ARHGAP26: variants seen among roughly 807,000 people sequenced by gnomAD.
ARHGAP26 encodes the protein Rho GTPase activating protein 26.
Under a neutral mutation model 104.8 loss-of-function variants are expected in ARHGAP26, and 38 were observed. The ratio of observed to expected loss-of-function variants is 0.36; its 90% CI spans 0.28 to 0.48. ARHGAP26 has a LOEUF of 0.48. Among genes scored for constraint, ARHGAP26 ranks in the 20% least tolerant of loss-of-function variants. The pLI is 0.99. For missense variants in ARHGAP26, 704 were observed against 947.9 expected, an observed-to-expected ratio of 0.74 and a Z score of 3.38; for synonymous variants, 341 against 340.0, an observed-to-expected ratio of 1.00 and a Z score of -0.03.
At chr5:143,128,743 C>T (rs1796993002) in intron 18 of ARHGAP26, among the ~76,000 whole-genome samples, 1 of 152,172 alleles carries the variant, frequency 6.6e-6, no homozygotes, top group African/African-American at 2.4e-5. Context: ...ACCAATCCCA[C>T]ATTACTAGGG....
intron 14 of ARHGAP26, among the ~76,000 whole-genome samples, chr5:143,053,795 G>A (rs1259309234): frequency 1.3e-5 from 2 of 152,112 alleles, no homozygotes; most frequent in Non-Finnish European, 2.9e-5. Context: ...CTAATTTAGA[G>A]TATTTCCTTT....
chr5:143,034,107 G>A (rs924062656), intron 12 of ARHGAP26, among the ~76,000 whole-genome samples: 4 of 152,200 alleles, frequency 2.6e-5, no homozygotes, highest in Non-Finnish European at 5.9e-5. Flanking sequence ...ACAAATGTTG[G>A]CAAGGATTAG....
rs150813217 is a variant in ARHGAP26, at chr5:143,171,556, C to G, written c.1988+24175C>G. On this transcript the variant is annotated intron_variant, in intron 20 of 22. Transcript: ENST00000645722. ...AGTTTTATGGGACACCTCCTTACTT[C>G]CCAAGTTTCAAACTTTTATCAAGCC... Among the ~76,000 whole-genome samples, 99 of 152,300 alleles carry G rather than the reference C, an allele frequency of 6.5e-4. 1 individual carries two copies. Among genetic ancestry groups the G allele is most frequent in the African/African-American group, 2.3e-3 (94 of 41,564 alleles).
intron 20 of ARHGAP26, among the ~76,000 whole-genome samples, chr5:143,149,368 T>C (rs1208189689): frequency 6.6e-6 from 1 of 152,112 alleles, no homozygotes; most frequent in African/African-American, 2.4e-5. Flanking sequence ...GTAGAAGCAG[T>C]ACCAGCATCA....
intron 17 of ARHGAP26, among the ~76,000 whole-genome samples, chr5:143,067,854 T>G (rs1238363575): frequency 6.6e-6 from 1 of 152,194 alleles, no homozygotes; most frequent in East Asian, 1.9e-4. Context: ...AGATGTCAAC[T>G]GTGGTTAATT....
chr5:142,966,145 T>C (rs1357026096), intron 11 of ARHGAP26, among the ~76,000 whole-genome samples: 1 of 152,160 alleles, frequency 6.6e-6, no homozygotes, highest in Non-Finnish European at 1.5e-5. Context: ...CACTTCTCTT[T>C]CTGTTTGTAA....
intron 13 of ARHGAP26, among the ~76,000 whole-genome samples, chr5:143,040,196 T>C (rs1318392387): frequency 1.3e-5 from 2 of 152,232 alleles, no homozygotes; most frequent in East Asian, 3.8e-4. Flanking sequence ...ACTGAGTAAC[T>C]TGGGACCCAT....
intron 10 of ARHGAP26, among the ~76,000 whole-genome samples, chr5:142,920,951 T>C (rs538445056): frequency 1.3e-5 from 2 of 152,302 alleles, no homozygotes; most frequent in African/African-American, 4.8e-5. Context: ...CCCTCCCTCC[T>C]TCCTTCCTTA....
At chr5:143,120,665 G>A (rs112001557) in intron 17 of ARHGAP26, among the ~76,000 whole-genome samples, 9 of 152,344 alleles carry the variant, frequency 5.9e-5, no homozygotes, top group African/African-American at 2.2e-4. Flanking sequence ...AGAGGGATTA[G>A]CAGTTACCTG....
intron 1 of ARHGAP26, among the ~76,000 whole-genome samples, chr5:142,850,028 TG>T (rs1255043793): frequency 2.0e-5 from 3 of 152,200 alleles, no homozygotes; most frequent in Non-Finnish European, 4.4e-5. Flanking sequence ...CCACCTCACT[TG>T]GATCTTTCCT....
chr5:142,930,784 A>G (rs712172), intron 10 of ARHGAP26, among the ~76,000 whole-genome samples: 68,604 of 151,948 alleles, frequency 0.45, 18,069 homozygotes, highest in East Asian at 0.91. Flanking sequence ...AGGGGATGTC[A>G]AGGAATGGTT....
chr5:143,016,639 G>C lies in ARHGAP26; in HGVS notation c.1144+2523G>C, dbSNP rs1168171226. ...AATCGCTTGAACCTGAGAGGCAGAG[G>C]TTGCAGTGAGCCAAGATCGTGCTAT... On this transcript the variant is annotated intron_variant, in intron 12 of 22. Transcript: ENST00000645722. Among the ~76,000 whole-genome samples the C allele has an allele frequency of 2.0e-5, 3 of 147,612 alleles. No individual in the cohort carries two copies. The Admixed American group carries it at 2.1e-4, about 10-fold the overall frequency.
chr5:143,205,333 G>T (rs1234116442), intron 20 of ARHGAP26, among the ~76,000 whole-genome samples: 3 of 152,080 alleles, frequency 2.0e-5, no homozygotes, highest in Non-Finnish European at 4.4e-5. Flanking sequence ...AGAAAAAAAA[G>T]CTTTAAAGAG....
intron 12 of ARHGAP26, among the ~76,000 whole-genome samples, chr5:143,029,303 G>A (rs1240480266): frequency 6.6e-6 from 1 of 150,508 alleles, no homozygotes; most frequent in Non-Finnish European, 1.5e-5. Context: ...TCTGTGGTGA[G>A]AACATGCCCC....
intron 5 of ARHGAP26, among the ~76,000 whole-genome samples, chr5:142,890,151 A>AAATATATATAT (rs1252590997): frequency 9.3e-5 from 3 of 32,430 alleles, no homozygotes; most frequent in Admixed American, 4.9e-4. Flanking sequence ...AAAAAAAAAA[A>AAATATATATAT]ATATATATAT....
intron 11 of ARHGAP26, among the ~76,000 whole-genome samples, chr5:142,974,700 G>T (rs1262984421): frequency 6.6e-6 from 1 of 152,132 alleles, no homozygotes; most frequent in Non-Finnish European, 1.5e-5. Context: ...TTCCATCCTC[G>T]CTTGTCTTCA....
At chr5:142,906,855 A>T (rs1463397639) in intron 8 of ARHGAP26, among the ~76,000 whole-genome samples, 1 of 152,132 alleles carries the variant, frequency 6.6e-6, no homozygotes, top group African/African-American at 2.4e-5. Flanking sequence ...ACGTCTGCTA[A>T]TTCTCTTTAT....
rs115670685 is a variant in ARHGAP26 at position 143,191,450 on chromosome 5, C to T, written c.1989-15748C>T. Among the ~76,000 whole-genome samples, 893 of 151,968 alleles carry T rather than the reference C, an allele frequency of 5.9e-3. 7 individuals carry two copies. The highest frequency in any genetic ancestry group is 0.02 in the African/African-American group (840 of 41,444). Reference sequence around the variant, plus strand: ...AAGAGGGTATAAAAGGATTAGTGGCCGAGAACAGAAATTTCCAAAATGTGA... The same window carrying T: ...AAGAGGGTATAAAAGGATTAGTGGCTGAGAACAGAAATTTCCAAAATGTGA... On this transcript the variant is annotated intron_variant, in intron 20 of 22. Coordinates refer to ENST00000645722, the MANE Select transcript of ARHGAP26 (RefSeq NM_001135608.3).
intron 17 of ARHGAP26, among the ~76,000 whole-genome samples, chr5:143,120,587 C>T (rs1796017897): frequency 6.6e-6 from 1 of 152,144 alleles, no homozygotes; most frequent in Admixed American, 6.5e-5. Flanking sequence ...AGAGGTTTTA[C>T]ATTTGCCATG....
Sources: gnomAD v4.1 joint callset for allele counts (sites outside exome capture counted in the v4.1 genomes callset) on GRCh38, gnomAD v4.1.1 for gene constraint, MANE v1.5 for transcripts, NCBI Gene and HGNC (gene_info 2026-07-23, HGNC 2026-07-21) for gene names.